The following TUBGCP3 variants were observed in gnomAD, a reference collection of about 807,000 sequenced individuals.
The protein encoded by TUBGCP3 is gamma-tubulin complex component 3.
In TUBGCP3, 50 loss-of-function variants were observed where a neutral mutation model predicts 123.1. That is an observed-to-expected ratio of 0.41 (90% CI 0.32 to 0.51). TUBGCP3 has a LOEUF of 0.51. Ranked by LOEUF, TUBGCP3 falls within the 20% of genes least tolerant of loss-of-function variation. The pLI is 0.36. For missense variants in TUBGCP3, 882 were observed against 1,127.0 expected (o/e 0.78, Z 3.11); for synonymous variants, 405 against 413.9 (o/e 0.98, Z 0.26).
rs1033362445 is a variant in TUBGCP3, at chr13:112,516,143, C to A, written c.2086+297G>T. Among the ~76,000 whole-genome samples, 5 of 152,040 alleles carry A rather than the reference C, an allele frequency of 3.3e-5. No individual in the cohort carries two copies. In the South Asian group the frequency reaches 1.0e-3, roughly 32 times the overall value. ...CTCATGTTCTGGTTTATGGACAAAA[C>A]AAAACATTAAAGAAATTCTCAAAAA... On this transcript the variant is annotated intron_variant, in intron 17 of 21. Transcript: ENST00000261965.
rs970258479 is a variant in TUBGCP3, at chr13:112,499,857, A to G, written c.2308-672T>C. 7.7e-4 allele frequency among the ~76,000 whole-genome samples: 118 copies of G among 152,322 alleles called. 2 individuals are homozygous for G. Among genetic ancestry groups the G allele is most frequent in the Middle Eastern group, 3.4e-3 (1 of 294 alleles). ...ACTGTACCTCATTAATCTTTCTCCT[A>G]TTGTGGCATGGAAGGACACAATGAA... On this transcript the variant is annotated intron_variant, in intron 19 of 21. Coordinates refer to ENST00000261965, the MANE Select transcript of TUBGCP3 (RefSeq NM_006322.6).
In TUBGCP3 at chr13:112,485,955, C is replaced by T. The variant is rs766017188; in HGVS notation, c.*38G>A. On this transcript the variant is annotated 3_prime_UTR_variant, in exon 22 of 22. Transcript: ENST00000261965. ...GGGAATTTCGTGTCTAGCAGTGCAACGAACATCACCCGCAGCTCCCTGGGA... is the reference window on the plus strand; with the variant it reads ...GGGAATTTCGTGTCTAGCAGTGCAATGAACATCACCCGCAGCTCCCTGGGA... 7.5e-5 allele frequency: 106 copies of T among 1,422,302 alleles called. No homozygotes were observed. The highest frequency in any genetic ancestry group is 1.3e-4 in the African/African-American group (9 of 70,396). 88.1% of individuals were successfully genotyped at this position (1,422,302 alleles called of 1,614,324 possible). A position where few individuals can be genotyped will look rare whatever the true frequency, so the allele number is the denominator to read the frequency against.
At chr13:112,554,786 C>T (rs1456218212) in intron 7 of TUBGCP3, 101 bp downstream of exon 7, 8 of 802,190 alleles carry the variant, frequency 1.0e-5, no homozygotes, top group South Asian at 9.0e-5. Context: ...AACCGATTCG[C>T]AAAACCCCAG....
intron 11 of TUBGCP3, among the ~76,000 whole-genome samples, chr13:112,531,541 T>C (rs1594153672): frequency 2.0e-5 from 3 of 152,328 alleles, no homozygotes; most frequent in East Asian, 3.9e-4. Flanking sequence ...TGTCTGTTAT[T>C]CAGTTAGACA....
chr13:112,542,500 T>C (rs185423632), intron 11 of TUBGCP3, among the ~76,000 whole-genome samples: 1 of 152,334 alleles, frequency 6.6e-6, no homozygotes, highest in East Asian at 1.9e-4. Context: ...CATTTAATCT[T>C]GAAAAATTAA....
In TUBGCP3 at chr13:112,569,128, A is replaced by G. The variant is rs778945875; in HGVS notation, c.184+24T>C. 16 of 1,610,280 alleles carry G rather than the reference A, an allele frequency of 9.9e-6. 1 individual carries two copies. In the South Asian group the frequency reaches 1.3e-4, roughly 13 times the overall value. ...TCTGACGAGTTTAAGAATCCAACAC[A>G]TGACATTTAAGAAAAATACGTACGC... On this transcript the variant is annotated intron_variant, in intron 2 of 21. Transcript: ENST00000261965.
chr13:112,518,865 C>T (rs1255101339), intron 16 of TUBGCP3, 110 bp downstream of exon 16: 7 of 897,724 alleles, frequency 7.8e-6, no homozygotes, highest in African/African-American at 1.6e-5. Flanking sequence ...TCTTAGATGT[C>T]GAGTGATCAC....
chr13:112,588,820 G>A (rs774444314), upstream of TUBGCP3, among the ~76,000 whole-genome samples: 4 of 152,186 alleles, frequency 2.6e-5, no homozygotes, highest in African/African-American at 4.8e-5. Flanking sequence ...ATGATGGAAA[G>A]AGATCCCGAG....
intron 8 of TUBGCP3, among the ~76,000 whole-genome samples, chr13:112,550,377 T>C (rs1339807922): frequency 6.6e-6 from 1 of 152,184 alleles, no homozygotes; most frequent in Admixed American, 6.5e-5. Context: ...GTTTGTGGAC[T>C]AAGACAAATG....
intron 11 of TUBGCP3, among the ~76,000 whole-genome samples, chr13:112,536,604 G>A (rs1878074688): frequency 6.6e-6 from 1 of 152,134 alleles, no homozygotes; most frequent in Non-Finnish European, 1.5e-5. Flanking sequence ...TTCATTGAAA[G>A]TATATGGAAA....
intron 20 of TUBGCP3, among the ~76,000 whole-genome samples, chr13:112,496,832 A>G (rs1880559609): frequency 6.6e-6 from 1 of 152,078 alleles, no homozygotes; most frequent in Non-Finnish European, 1.5e-5. Context: ...TAAAAATACA[A>G]AAAATTAGCC....
At chr13:112,590,567 T>C (rs1415308385), upstream of TUBGCP3, among the ~76,000 whole-genome samples, 3 of 151,880 alleles carry the variant, frequency 2.0e-5, no homozygotes, top group Admixed American at 6.6e-5. Context: ...TTCTCATGGG[T>C]AGAAGCATTT....
intron 11 of TUBGCP3, among the ~76,000 whole-genome samples, chr13:112,539,173 A>C (rs1340816970): frequency 1.3e-5 from 2 of 152,212 alleles, no homozygotes; most frequent in South Asian, 4.1e-4. Flanking sequence ...GTCTGATGTA[A>C]TCTTCACACA....
upstream of TUBGCP3, among the ~76,000 whole-genome samples, chr13:112,592,120 G>A (rs2139358896): frequency 6.6e-6 from 1 of 152,254 alleles, no homozygotes; most frequent in Non-Finnish European, 1.5e-5. This position sits in a 1 kb window ranked among gnomAD's most constrained non-coding sequence, Gnocchi z 4.1. Context: ...CTATGGCCAT[G>A]GTTACCCCCA....
At chr13:112,506,580 G>A (rs1470388979) in intron 17 of TUBGCP3, among the ~76,000 whole-genome samples, 3 of 152,140 alleles carry the variant, frequency 2.0e-5, no homozygotes, top group Non-Finnish European at 2.9e-5. Flanking sequence ...GTAGCACAGC[G>A]TGCACTCCAC....
chr13:112,588,626 G>A (rs912009595), upstream of TUBGCP3, among the ~76,000 whole-genome samples: 16 of 152,300 alleles, frequency 1.1e-4, no homozygotes, highest in South Asian at 2.7e-3. Flanking sequence ...CCGGGTAACT[G>A]GGACGTCCTG....
chr13:112,548,123 A>G lies in TUBGCP3; in HGVS notation c.1020T>C (p.Ser340=). 6.2e-7 allele frequency: 1 copy of G among 1,601,018 alleles called. No individual in the cohort carries two copies. Among genetic ancestry groups the G allele is most frequent in the Middle Eastern group, 1.7e-4 (1 of 6,000 alleles). ...AAATATTTACCTGAGAATGTAAAAC[A>G]GAGAGCAATCGATAGTATTCTCTGA... ...QELREYYRLL[S]VLHSQLQLED... Residue 340 remains serine (S), a synonymous_variant, in exon 9 of 22, where the codon TCT becomes TCC. Transcript: ENST00000261965.
At chr13:112,509,711 A>C (rs548949152) in intron 17 of TUBGCP3, among the ~76,000 whole-genome samples, 6 of 152,312 alleles carry the variant, frequency 3.9e-5, no homozygotes, top group African/African-American at 9.6e-5. Flanking sequence ...ACTGAAAAGA[A>C]ACCTCGTAAA....
At chr13:112,596,222 T>G in the TUBGCP3 span, among the ~76,000 whole-genome samples, 5 of 152,230 alleles carry the variant, frequency 3.3e-5, no homozygotes, top group African/African-American at 1.2e-4. Context: ...TTCTTTTCAT[T>G]GTACTTTCTT....
Sources: gnomAD v4.1 joint callset for allele counts (sites outside exome capture counted in the v4.1 genomes callset) on GRCh38, gnomAD v4.1.1 for gene constraint, Gnocchi (gnomAD v3.1) non-coding constraint, MANE v1.5 for transcripts, NCBI Gene and HGNC (gene_info 2026-07-23, HGNC 2026-07-21) for gene names.